The following LRRC49 variants were observed in gnomAD, a reference collection of about 807,000 sequenced individuals.
LRRC49 encodes leucine-rich repeat-containing protein 49.
LRRC49 carries 50 observed loss-of-function variants against 83.3 expected under a neutral mutation model. That is an observed-to-expected ratio of 0.60 (90% CI 0.48 to 0.76). LRRC49 has a LOEUF of 0.76. Ranked by LOEUF, LRRC49 falls within the 30% of genes least tolerant of loss-of-function variation. The probability of loss-of-function intolerance (pLI) is 0.00; values close to 1 mark genes in which losing one functional copy is unlikely to be tolerated. For missense variants in LRRC49, 704 were observed against 809.1 expected, an observed-to-expected ratio of 0.87 and a Z score of 1.58; for synonymous variants, 286 against 283.3, an observed-to-expected ratio of 1.01 and a Z score of -0.10.
Position 70,960,678 on chromosome 15 carries a change from T to C in LRRC49, c.774-3107T>C, listed in dbSNP as rs930787362. The stretch of plus-strand genomic sequence containing the variant: ...TGATAAAGGAGCAAAAGCAATTCAA[T>C]AGAGAAAGGATAGTCTTTTCAGCAA... On this transcript the variant is annotated intron_variant, in intron 8 of 15. Transcript: ENST00000260382. Among the ~76,000 whole-genome samples the C allele has an allele frequency of 3.3e-5, 5 of 152,046 alleles. No homozygotes were observed. In the East Asian group the frequency reaches 7.7e-4, roughly 23 times the overall value.
chr15:71,020,051 G>A (rs2038946597), intron 14 of LRRC49, among the ~76,000 whole-genome samples: 1 of 152,114 alleles, frequency 6.6e-6, no homozygotes, highest in African/African-American at 2.4e-5. Context: ...GACTGTGCCT[G>A]CTATATCTCA....
At chr15:70,864,158 T>C (rs775421620) in intron 1 of LRRC49, among the ~76,000 whole-genome samples, 2 of 152,104 alleles carry the variant, frequency 1.3e-5, no homozygotes, top group Non-Finnish European at 2.9e-5. Context: ...CCACAGATAC[T>C]TGGGCAGTGT....
At chr15:71,022,722 A>G (rs922066082) in intron 14 of LRRC49, among the ~76,000 whole-genome samples, 4 of 152,220 alleles carry the variant, frequency 2.6e-5, no homozygotes, top group African/African-American at 9.6e-5. Flanking sequence ...CTACAAATCC[A>G]CAATTACAAT....
rs573746444 is a variant in LRRC49 at position 70,917,913 on chromosome 15, G to A, written c.568-1137G>A. On this transcript the variant is annotated intron_variant, in intron 6 of 15. Coordinates refer to ENST00000260382, the MANE Select transcript of LRRC49 (RefSeq NM_017691.5). ...CAGGGCTGAGACATGCCCCTTGCTCGCCATGTTGCAGGCAAAGAGAAGGAA... is the reference window on the plus strand; with the variant it reads ...CAGGGCTGAGACATGCCCCTTGCTCACCATGTTGCAGGCAAAGAGAAGGAA... 3.1e-4 allele frequency among the ~76,000 whole-genome samples: 47 copies of A among 152,308 alleles called. 2 individuals are homozygous for A. In the South Asian group the frequency reaches 9.1e-3, roughly 30 times the overall value.
intron 2 of LRRC49, among the ~76,000 whole-genome samples, chr15:70,875,954 CT>C (rs1003788054): frequency 2.6e-5 from 4 of 150,978 alleles, no homozygotes; most frequent in South Asian, 4.2e-4. Context: ...TTTCTTTTTT[CT>C]TTTTTTTTAG....
intron 11 of LRRC49, among the ~76,000 whole-genome samples, chr15:70,994,635 C>T (rs1056994317): frequency 5.3e-5 from 8 of 151,982 alleles, no homozygotes; most frequent in Admixed American, 1.3e-4. Flanking sequence ...CCTCTATGTC[C>T]AGCTAATTTT....
chr15:70,888,288 T>C (rs145793879), upstream of LRRC49, among the ~76,000 whole-genome samples: 70 of 152,256 alleles, frequency 4.6e-4, no homozygotes, highest in African/African-American at 1.6e-3. Flanking sequence ...AATAAAGCTA[T>C]ATAAGACACT....
At chr15:70,963,704 T>C (rs2036690519) in intron 8 of LRRC49, 81 bp from the exon 9 acceptor site, 2 of 1,454,864 alleles carry the variant, frequency 1.4e-6, no homozygotes, top group Admixed American at 4.1e-5. Flanking sequence ...TCTAAAACTG[T>C]GCTAAAAATA....
intron 8 of LRRC49, among the ~76,000 whole-genome samples, chr15:70,942,036 TGTG>T (rs1567062288): frequency 7.8e-4 from 8 of 10,268 alleles, no homozygotes; most frequent in Admixed American, 4.4e-3. Context: ...AAAGGTTATG[TGTG>T]TGTGTGTGTG....
rs536256097 is a variant in LRRC49 at position 71,004,329 on chromosome 15, A to T, written c.1170-4050A>T. On this transcript the variant is annotated intron_variant, in intron 11 of 15. Transcript: ENST00000260382. ...TAAAGACACATGCACATGTATGTTC[A>T]TTGCAGCACTATTCACAATAGCAAA... Among the ~76,000 whole-genome samples, 327 of 152,314 alleles carry T rather than the reference A, an allele frequency of 2.1e-3. 2 individuals are homozygous for T. Among genetic ancestry groups the T allele is most frequent in the Non-Finnish European group, 3.8e-3 (260 of 68,022 alleles).
rs556971832 is a variant in LRRC49 at position 70,904,577 on chromosome 15, A to G, written c.322A>G (p.Ile108Val). ...ACAAAAGCTGACCGTATGTCCTATC[A>G]TCAATGGGGAAGACCACCTTCGTTT... Reference protein sequence around the residue: ...ERQKLTVCPIINGEDHLRLLN... With the variant: ...ERQKLTVCPIVNGEDHLRLLN... Residue 108 changes from isoleucine (I) to valine (V), a missense_variant, in exon 5 of 16, where the codon ATC (isoleucine) becomes GTC (valine). Around this residue, in one of 3 missense-constraint regions of LRRC49, gnomAD observed 261 missense variants for 330.5 expected, o/e 0.79. Coordinates refer to ENST00000260382, the MANE Select transcript of LRRC49 (RefSeq NM_017691.5). The G allele has an allele frequency of 6.2e-6, 10 of 1,613,606 alleles. No homozygotes were observed. In the South Asian group the frequency reaches 1.1e-4, roughly 18 times the overall value.
intron 8 of LRRC49, among the ~76,000 whole-genome samples, chr15:70,942,033 ATGTGTGTGTGTGTGTGTGTGTGTG>A (rs34818331): frequency 1.4e-5 from 2 of 144,188 alleles, no homozygotes; most frequent in South Asian, 2.3e-4. Flanking sequence ...TGTAAAGGTT[ATGTGTGTGTGTGTGTGTGTGTGTG>A]TGTGTGTGTG....
chr15:70,868,369 G>A (rs1401020997), intron 1 of LRRC49, among the ~76,000 whole-genome samples: 1 of 152,142 alleles, frequency 6.6e-6, no homozygotes, highest in Non-Finnish European at 1.5e-5. Context: ...TACAACTCAG[G>A]CCCTCTAAAC....
At chr15:70,981,507 AG>A (rs1268873728) in intron 10 of LRRC49, among the ~76,000 whole-genome samples, 2 of 152,100 alleles carry the variant, frequency 1.3e-5, no homozygotes, top group Non-Finnish European at 2.9e-5. Flanking sequence ...AAAAAAAAAA[AG>A]AATGCTAAAA....
intron 7 of LRRC49, among the ~76,000 whole-genome samples, chr15:70,920,800 T>C (rs2034978055): frequency 6.6e-6 from 1 of 152,180 alleles, no homozygotes; most frequent in Non-Finnish European, 1.5e-5. Flanking sequence ...TTACAGTCAA[T>C]TGTGAAATTT....
intron 11 of LRRC49, among the ~76,000 whole-genome samples, chr15:70,992,933 C>T (rs568780275): frequency 1.3e-5 from 2 of 152,314 alleles, no homozygotes; most frequent in Admixed American, 6.5e-5. Flanking sequence ...TTTAAGTCTG[C>T]AGAGGTTTCT....
intron 1 of LRRC49, among the ~76,000 whole-genome samples, chr15:70,872,044 C>G (rs530403088): frequency 6.6e-6 from 1 of 152,182 alleles, no homozygotes; most frequent in African/African-American, 2.4e-5. Context: ...CCAAGGCAGG[C>G]GGCTGGGAGG....
At position 71,031,622 on chromosome 15, in the gene LRRC49, TC is replaced by T. The variant is rs377294506; in HGVS notation, c.1704-5553del. 7.2e-5 allele frequency among the ~76,000 whole-genome samples: 11 copies of T among 152,282 alleles called. No homozygotes were observed. The East Asian group carries it at 1.9e-3, about 27-fold the overall frequency. On this transcript the variant is annotated intron_variant, in intron 14 of 15. Coordinates refer to ENST00000260382, the MANE Select transcript of LRRC49 (RefSeq NM_017691.5). ...TGAAGCTGTGCCCATAGCCACCCCT[TC>T]CCCAGGTGCTCTGTCCCAGGAAGAT...
intron 1 of LRRC49, among the ~76,000 whole-genome samples, chr15:70,866,907 A>G (rs1483639302): frequency 1.3e-5 from 2 of 151,946 alleles, no homozygotes; most frequent in African/African-American, 4.8e-5. Context: ...ATAAGGTATA[A>G]TTATGAACCT....
Sources: gnomAD v4.1 joint callset for allele counts (sites outside exome capture counted in the v4.1 genomes callset) on GRCh38, gnomAD v4.1.1 for gene constraint, gnomAD v4.1.1 regional missense constraint, MANE v1.5 for transcripts, NCBI Gene and HGNC (gene_info 2026-07-23, HGNC 2026-07-21) for gene names.